The following TSHR variants were observed in gnomAD, a reference collection of about 807,000 sequenced individuals.
The protein encoded by TSHR is thyroid stimulating hormone receptor.
TSHR carries 51 observed loss-of-function variants against 64.1 expected under a neutral mutation model. The ratio of observed to expected loss-of-function variants is 0.80; its 90% CI spans 0.64 to 1.01. The LOEUF is 1.01. TSHR is among the 50% of genes least tolerant of loss of function. The pLI, the probability that TSHR is intolerant of heterozygous loss-of-function variation, is 0.00. For missense variants in TSHR, 877 were observed against 942.8 expected (o/e 0.93, Z 0.91); for synonymous variants, 361 against 361.9 (o/e 1.00, Z 0.03).
At chr14:81,115,487 A>T (rs1229426433) in intron 8 of TSHR, among the ~76,000 whole-genome samples, 1 of 145,306 alleles carries the variant, frequency 6.9e-6, no homozygotes, top group East Asian at 2.3e-4. Flanking sequence ...AGAAAAAAGA[A>T]TGAAAAGAAA....
chr14:81,065,901 T>C (rs764417572), intron 2 of TSHR, among the ~76,000 whole-genome samples: 108 of 152,206 alleles, frequency 7.1e-4, no homozygotes, highest in Non-Finnish European at 1.2e-3. Flanking sequence ...TCTGGCATAA[T>C]TGTTAATGGC....
At chr14:81,046,500 GA>G (rs892230543) in intron 1 of TSHR, among the ~76,000 whole-genome samples, 11 of 146,906 alleles carry the variant, frequency 7.5e-5, no homozygotes, top group African/African-American at 1.8e-4. Flanking sequence ...CCAGAGAGGG[GA>G]AAAAAATATA....
chr14:81,103,313 A>G lies in TSHR; in HGVS notation c.615-5062A>G. ...TATCTTAATAGTGTTCAAGGATTTC[A>G]CATGGCATGTTAGCAATTTGGTAAT... On this transcript the variant is annotated intron_variant, in intron 7 of 9. Coordinates refer to ENST00000298171, the MANE Select transcript of TSHR (RefSeq NM_000369.5). This position sits in a 1 kb window ranked among gnomAD's most constrained non-coding sequence, Gnocchi z 4.1. 1 of 985,462 alleles carries G rather than the reference A, an allele frequency of 1.0e-6. No individual in the cohort carries two copies. The highest frequency in any genetic ancestry group is 1.2e-6 in the Non-Finnish European group (1 of 829,918). 61.0% of individuals were successfully genotyped at this position (985,462 alleles called of 1,614,324 possible). A position where few individuals can be genotyped will look rare whatever the true frequency, so the allele number is the denominator to read the frequency against.
At chr14:81,029,164 C>T (rs941901235) in intron 1 of TSHR, among the ~76,000 whole-genome samples, 3 of 151,954 alleles carry the variant, frequency 2.0e-5, no homozygotes, top group South Asian at 2.1e-4. Flanking sequence ...ATCATGATTT[C>T]CCCAGAGTTA....
chr14:81,021,035 G>A (rs1462473514), intron 1 of TSHR, among the ~76,000 whole-genome samples: 1 of 151,492 alleles, frequency 6.6e-6, no homozygotes, highest in Non-Finnish European at 1.5e-5. Flanking sequence ...ACAAGCTCGG[G>A]GCTCCCACTG....
chr14:80,963,260 T>TA (rs913610032), intron 1 of TSHR, among the ~76,000 whole-genome samples: 3 of 152,212 alleles, frequency 2.0e-5, no homozygotes, highest in Admixed American at 1.3e-4. Context: ...TTTCCCAAGC[T>TA]AAAAAATGTT....
chr14:81,129,325 T>G (rs988197218), intron 8 of TSHR, among the ~76,000 whole-genome samples: 1 of 152,216 alleles, frequency 6.6e-6, no homozygotes, highest in Non-Finnish European at 1.5e-5. Flanking sequence ...ATCCTCACTC[T>G]TTCCTTATGC....
intron 1 of TSHR, among the ~76,000 whole-genome samples, chr14:81,029,117 G>T (rs1254445837): frequency 6.6e-6 from 1 of 151,914 alleles, no homozygotes; most frequent in African/African-American, 2.4e-5. Flanking sequence ...GAATCATTCT[G>T]TAACCTTTAA....
At chr14:81,083,256 GA>G (rs1017877403) in intron 3 of TSHR, among the ~76,000 whole-genome samples, 2 of 151,802 alleles carry the variant, frequency 1.3e-5, no homozygotes, top group Non-Finnish European at 2.9e-5. Context: ...CTTAGGGGAA[GA>G]AAAAAAACCC....
chr14:81,026,294 G>C (rs1594968474), intron 1 of TSHR, among the ~76,000 whole-genome samples: 1 of 152,142 alleles, frequency 6.6e-6, no homozygotes, highest in Non-Finnish European at 1.5e-5. Context: ...ATGATGGATG[G>C]ATGAGTAAAG....
intron 1 of TSHR, chr14:80,982,840 G>T: frequency 2.0e-6 from 1 of 499,794 alleles, no homozygotes; most frequent in Non-Finnish European, 3.7e-6. Flanking sequence ...TTTTGGTTCC[G>T]ACCCTTGCAT....
chr14:81,126,800 A>T (rs975868079), intron 8 of TSHR, among the ~76,000 whole-genome samples: 1 of 152,238 alleles, frequency 6.6e-6, no homozygotes, highest in African/African-American at 2.4e-5. Flanking sequence ...AATTTTATGT[A>T]TAAATAACTC....
At position 81,145,312 on chromosome 14, in the gene TSHR, C is replaced by T. The variant is rs937457500; in HGVS notation, c.*959C>T. On this transcript the variant is annotated 3_prime_UTR_variant, in exon 10 of 10. Transcript: ENST00000298171. ...TCTAAGATAAAGAGAAAGAAGAGCA[C>T]TAAGTAAGTAGAATCTGTTTTTCCT... The T allele has an allele frequency of 8.6e-6, 2 of 233,104 alleles. No homozygotes were observed. 14.4% of individuals were successfully genotyped at this position (233,104 alleles called of 1,614,324 possible). A position where few individuals can be genotyped will look rare whatever the true frequency, so the allele number is the denominator to read the frequency against.
At chr14:81,058,483 G>T (rs1391291820) in intron 1 of TSHR, among the ~76,000 whole-genome samples, 3 of 152,150 alleles carry the variant, frequency 2.0e-5, no homozygotes, top group South Asian at 2.1e-4. Flanking sequence ...TTTTCCCAAT[G>T]AGTTACATAT....
At chr14:80,987,989 G>A (rs1301626077) in intron 1 of TSHR, among the ~76,000 whole-genome samples, 1 of 152,072 alleles carries the variant, frequency 6.6e-6, no homozygotes, top group Non-Finnish European at 1.5e-5. Flanking sequence ...AAAATTGCCA[G>A]GACAACTTAA....
intron 7 of TSHR, chr14:81,104,584 C>A (rs2140019467): frequency 1.0e-6 from 1 of 985,428 alleles, no homozygotes; most frequent in East Asian, 1.1e-4. Context: ...CTTCCTCCAG[C>A]AAGTCTTTAC....
At position 81,103,929 on chromosome 14, in the gene TSHR, AATT is replaced by A. The variant is rs1399309928; in HGVS notation, c.615-4440_615-4438del. The A allele has an allele frequency of 1.3e-5, 13 of 985,334 alleles. No homozygotes were observed. In the African/African-American group the frequency reaches 2.3e-4, roughly 17 times the overall value. 61.0% of individuals were successfully genotyped at this position (985,334 alleles called of 1,614,324 possible). On this transcript the variant is annotated intron_variant, in intron 7 of 9. Coordinates refer to ENST00000298171, the MANE Select transcript of TSHR (RefSeq NM_000369.5). This position sits in a 1 kb window ranked among gnomAD's most constrained non-coding sequence, Gnocchi z 4.1. Reference sequence around the variant, plus strand: ...TATGCTAAGAGCCCACCAATACACTAATTATTATGAACAGAGTCAACAGAATTA... The same window carrying A: ...TATGCTAAGAGCCCACCAATACACTAATTATGAACAGAGTCAACAGAATTA...
At chr14:81,033,861 T>C (rs1438464163) in intron 1 of TSHR, among the ~76,000 whole-genome samples, 1 of 152,150 alleles carries the variant, frequency 6.6e-6, no homozygotes, top group East Asian at 1.9e-4. Context: ...GCAGCTAGGG[T>C]AGACAAAGGA....
chr14:81,111,961 A>G (rs2888049), intron 8 of TSHR, among the ~76,000 whole-genome samples: 86,895 of 151,998 alleles, frequency 0.57, 25,846 homozygotes, highest in Middle Eastern at 0.68. Context: ...GAAGTGGTCA[A>G]TTAAACTACC....
Sources: allele counts gnomAD v4.1 joint callset (sites outside exome capture counted in the v4.1 genomes callset), GRCh38; gene constraint gnomAD v4.1.1; non-coding constraint Gnocchi (gnomAD v3.1); transcripts MANE v1.5; gene names NCBI Gene and HGNC (gene_info 2026-07-23, HGNC 2026-07-21).